The following MTMR8 variants were observed in gnomAD, a reference collection of about 807,000 sequenced individuals.
MTMR8 encodes the protein myotubularin related protein 8.
Under a neutral mutation model 39.3 loss-of-function variants are expected in MTMR8, and 65 were observed. That is an observed-to-expected ratio of 1.65 (90% CI 1.35 to 2.03). The LOEUF is 2.03. MTMR8 is among the 30% of genes most tolerant of loss of function. The pLI is 0.00. For missense variants in MTMR8, 777 were observed against 538.9 expected, an observed-to-expected ratio of 1.44 and a Z score of -4.37; for synonymous variants, 245 against 185.2, an observed-to-expected ratio of 1.32 and a Z score of -2.62.
intron 1 of MTMR8, among the ~76,000 whole-genome samples, chrX:64,383,353 ACAGT>A (rs964218574): frequency 1.8e-5 from 2 of 109,699 alleles, no homozygotes; most frequent in African/African-American, 3.3e-5. Flanking sequence ...ATTATTGGAG[ACAGT>A]ATTATATATA....
At chrX:64,295,676 T>C (rs1921552521) in intron 12 of MTMR8, among the ~76,000 whole-genome samples, 1 of 111,628 alleles carries the variant, frequency 9.0e-6, no homozygotes, top group Admixed American at 9.6e-5. Context: ...CCAAAGAAGA[T>C]ATACAAATGG....
At chrX:64,270,682 TTCC>T (rs1256369740) in intron 13 of MTMR8, among the ~76,000 whole-genome samples, 1 of 112,094 alleles carries the variant, frequency 8.9e-6, no homozygotes, top group Non-Finnish European at 1.9e-5. Flanking sequence ...TTCCCTCTTG[TTCC>T]TCCTATTCAT....
intron 1 of MTMR8, among the ~76,000 whole-genome samples, chrX:64,372,296 T>A (rs1311459766): frequency 9.0e-6 from 1 of 110,565 alleles, no homozygotes; most frequent in Non-Finnish European, 1.9e-5. Context: ...AATCCACAGA[T>A]CTTATTTGGA....
chrX:64,331,128 C>T (rs760101796), intron 11 of MTMR8, among the ~76,000 whole-genome samples: 165 of 111,476 alleles, frequency 1.5e-3, no homozygotes, highest in African/African-American at 4.9e-3. Flanking sequence ...ACAAAAATGT[C>T]GGCAACGAAT....
intron 12 of MTMR8, among the ~76,000 whole-genome samples, chrX:64,302,452 T>C (rs961403152): frequency 1.5e-4 from 17 of 112,034 alleles, no homozygotes; most frequent in African/African-American, 4.9e-4. Context: ...CCCACTGGCC[T>C]GCGCCCACTG....
At chrX:64,370,926 G>A (rs949605721) in intron 1 of MTMR8, among the ~76,000 whole-genome samples, 1 of 111,862 alleles carries the variant, frequency 8.9e-6, no homozygotes, top group Admixed American at 9.5e-5. Flanking sequence ...GCCAAGGTGG[G>A]AGGATTGCTT....
At chrX:64,296,510 G>A (rs1162656758) in intron 12 of MTMR8, among the ~76,000 whole-genome samples, 1 of 109,162 alleles carries the variant, frequency 9.2e-6, no homozygotes, top group East Asian at 2.9e-4. Context: ...ATACCATGGG[G>A]CCAGAGGACG....
intron 12 of MTMR8, among the ~76,000 whole-genome samples, chrX:64,276,492 C>T (rs757423413): frequency 3.6e-5 from 4 of 111,542 alleles, no homozygotes; most frequent in Non-Finnish European, 7.5e-5. Flanking sequence ...TTTATCTCTG[C>T]CTTAATTTCA....
intron 10 of MTMR8, 152 bp from the exon 11 acceptor site, chrX:64,331,909 G>T: frequency 2.1e-6 from 1 of 473,621 alleles, no homozygotes; most frequent in Non-Finnish European, 3.6e-6. Context: ...CTCAAAGCTA[G>T]TCAATCCCAG....
rs1362979763 is a variant in MTMR8, at chrX:64,285,434, G to C, written c.1482-14361C>G. On this transcript the variant is annotated intron_variant, in intron 12 of 13. Transcript: ENST00000374852. ...ATCAACGAGACAGAAAGTTCACAAGGATATCCAGGAACTGAATTCAGCTCT... is the reference window on the plus strand; with the variant it reads ...ATCAACGAGACAGAAAGTTCACAAGCATATCCAGGAACTGAATTCAGCTCT... 3.6e-5 allele frequency among the ~76,000 whole-genome samples: 4 copies of C among 110,921 alleles called. No homozygotes were observed. The Admixed American group carries it at 3.9e-4, about 11-fold the overall frequency.
intron 12 of MTMR8, among the ~76,000 whole-genome samples, chrX:64,296,267 T>A (rs1921576574): frequency 9.0e-6 from 1 of 111,277 alleles, no homozygotes; most frequent in Non-Finnish European, 1.9e-5. Context: ...ATAGGTAAAT[T>A]CATAAAGACC....
chrX:64,297,678 A>T (rs1429206677), intron 12 of MTMR8, among the ~76,000 whole-genome samples: 2 of 100,521 alleles, frequency 2.0e-5, no homozygotes, highest in African/African-American at 3.7e-5. Flanking sequence ...CTGAATGGTA[A>T]TGCCTAGGTT....
intron 12 of MTMR8, among the ~76,000 whole-genome samples, chrX:64,288,055 A>G (rs1476345604): frequency 2.4e-4 from 23 of 96,363 alleles, no homozygotes; most frequent in South Asian, 5.4e-4. Context: ...AAAAACTACC[A>G]TAAGAGTGAA....
At chrX:64,280,785 A>C (rs1249289014) in intron 12 of MTMR8, among the ~76,000 whole-genome samples, 1 of 111,450 alleles carries the variant, frequency 9.0e-6, no homozygotes, top group Non-Finnish European at 1.9e-5. Flanking sequence ...ACATGATCCT[A>C]TATCCAGAAA....
intron 12 of MTMR8, among the ~76,000 whole-genome samples, chrX:64,279,406 C>T (rs1432085874): frequency 8.9e-6 from 1 of 111,799 alleles, no homozygotes; most frequent in Non-Finnish European, 1.9e-5. Flanking sequence ...AGAAAGCCTG[C>T]TTTCACTAAA....
At chrX:64,385,062 G>T (rs1030759678) in intron 1 of MTMR8, among the ~76,000 whole-genome samples, 2 of 112,155 alleles carry the variant, frequency 1.8e-5, no homozygotes, top group African/African-American at 3.2e-5. Context: ...GTTAGAAGCA[G>T]CCATGCCATT....
At chrX:64,356,972 G>A in intron 2 of MTMR8, among the ~76,000 whole-genome samples, 1 of 111,619 alleles carries the variant, frequency 9.0e-6, no homozygotes, top group Non-Finnish European at 1.9e-5. Flanking sequence ...GAAATGTTAG[G>A]GAGGAACTAT....
chrX:64,324,749 C>T (rs1197538730), intron 12 of MTMR8, among the ~76,000 whole-genome samples: 17 of 100,696 alleles, frequency 1.7e-4, no homozygotes, highest in Middle Eastern at 5.0e-3. Flanking sequence ...TATCTCCCTT[C>T]GCTGACTCTC....
intron 12 of MTMR8, among the ~76,000 whole-genome samples, chrX:64,272,501 T>C (rs193070733): frequency 9.0e-6 from 1 of 110,535 alleles, no homozygotes; most frequent in East Asian, 2.9e-4. Context: ...GAAAAAAGAA[T>C]AAAAAAATAA....
Sources: gnomAD v4.1 joint callset for allele counts (sites outside exome capture counted in the v4.1 genomes callset) on GRCh38, gnomAD v4.1.1 for gene constraint, MANE v1.5 for transcripts, NCBI Gene and HGNC (gene_info 2026-07-23, HGNC 2026-07-21) for gene names.